The following RNF19A variants were observed in gnomAD, a reference collection of about 807,000 sequenced individuals.
RNF19A encodes the protein ring finger protein 19A, RBR E3 ubiquitin protein ligase, also known as E3 ubiquitin-protein ligase RNF19A.
Under a neutral mutation model 75.7 loss-of-function variants are expected in RNF19A, and 32 were observed. That is an observed-to-expected ratio of 0.42 (90% confidence interval 0.32 to 0.57). The LOEUF (loss-of-function observed/expected upper bound fraction) is 0.57, where lower values mean the gene tolerates loss of function less well. RNF19A is among the 20% of genes least tolerant of loss of function. The pLI is 0.10. For missense variants in RNF19A, 782 were observed against 1,036.3 expected (o/e 0.75, Z 3.37); for synonymous variants, 335 against 345.2 (o/e 0.97, Z 0.33).
chr8:100,264,418 CA>C lies in RNF19A; in HGVS notation c.1307-224del, dbSNP rs772550127. ...ACATAAGGGGAAAAAGAGAGAGATG[CA>C]AACTTTTTTCTTTTGAAGTGCCAGG... On this transcript the variant is annotated intron_variant, in intron 6 of 9. Transcript: ENST00000341084. This position sits in a 1 kb window ranked among gnomAD's most constrained non-coding sequence, Gnocchi z 4.7. The C allele has an allele frequency of 3.5e-6, 2 of 577,818 alleles. No homozygotes were observed. The highest frequency in any genetic ancestry group is 6.0e-6 in the Non-Finnish European group (2 of 332,450). The allele number at this position is 577,818 out of a possible 1,614,324, so 35.8% of individuals were successfully genotyped here.
chr8:100,289,011 G>C (rs901255083), intron 1 of RNF19A, among the ~76,000 whole-genome samples: 10 of 143,836 alleles, frequency 7.0e-5, no homozygotes, highest in African/African-American at 2.7e-4. Flanking sequence ...AGTGAGCCGA[G>C]ATTGCGCCGC....
Position 100,281,097 on chromosome 8 carries a change from T to C in RNF19A, c.675-5936A>G, listed in dbSNP as rs61602271. Among the ~76,000 whole-genome samples, 785 of 152,296 alleles carry C rather than the reference T, an allele frequency of 5.2e-3. 11 individuals carry two copies. Among genetic ancestry groups the C allele is most frequent in the African/African-American group, 0.018 (768 of 41,562 alleles). On this transcript the variant is annotated intron_variant, in intron 2 of 9. Transcript: ENST00000341084. The stretch of plus-strand genomic sequence containing the variant: ...AGCTCCATTTCCTTCCATGGTCCAT[T>C]ATTTAATTCAAGCCTTACTTTCCTT...
intron 1 of RNF19A, among the ~76,000 whole-genome samples, chr8:100,294,587 CCT>C (rs1281868052): frequency 7.9e-6 from 1 of 126,484 alleles, no homozygotes; most frequent in Non-Finnish European, 1.6e-5. Flanking sequence ...ACTTCCATCC[CCT>C]GATACTTCAA....
At position 100,320,026 on chromosome 8, in the gene RNF19A, G is replaced by A. The variant is rs1252859310; in HGVS notation, c.-242-6654C>T. 1.7e-3 allele frequency among the ~76,000 whole-genome samples: 210 copies of A among 123,792 alleles called. No individual in the cohort carries two copies. In the Middle Eastern group the frequency reaches 0.033, roughly 19 times the overall value. The allele number at this position is 123,792 out of a possible 152,430, so 81.2% of individuals were successfully genotyped here. A position where few individuals can be genotyped will look rare whatever the true frequency, so the allele number is the denominator to read the frequency against. The stretch of plus-strand genomic sequence containing the variant: ...AATTTTTGTATTTTTAGTAGAGATG[G>A]AGTTTCACCATGTTGGCCAGGCTGG... On this transcript the variant is annotated intron_variant, in intron 1 of 3. Coordinates refer to the RNF19A transcript ENST00000519527.
intron 1 of RNF19A, among the ~76,000 whole-genome samples, chr8:100,304,601 C>T (rs1387695364): frequency 6.6e-6 from 1 of 152,116 alleles, no homozygotes. Context: ...CCATTTATTC[C>T]ATACAAAAAC....
intron 1 of RNF19A, among the ~76,000 whole-genome samples, chr8:100,292,307 G>A (rs1457723358): frequency 6.6e-6 from 1 of 152,122 alleles, no homozygotes; most frequent in East Asian, 1.9e-4. Context: ...TTTTAGTATT[G>A]TCTCACTACA....
intron 1 of RNF19A, chr8:100,300,490 A>T (rs1821773306): frequency 6.6e-6 from 1 of 151,908 alleles, no homozygotes; most frequent in South Asian, 2.1e-4. Flanking sequence ...CCATCTCTAC[A>T]AAAACTACAC....
At position 100,257,212 on chromosome 8, in the gene RNF19A, G is replaced by A. The variant is rs1048450176; in HGVS notation, c.*1344C>T. The A allele has an allele frequency of 1.3e-5, 2 of 152,560 alleles. No individual in the cohort carries two copies. Among genetic ancestry groups the A allele is most frequent in the African/African-American group, 2.4e-5 (1 of 41,432 alleles). 9.5% of individuals were successfully genotyped at this position (152,560 alleles called of 1,614,324 possible). On this transcript the variant is annotated 3_prime_UTR_variant, in exon 10 of 10. Coordinates refer to ENST00000341084, the MANE Select transcript of RNF19A (RefSeq NM_183419.4). Reference sequence around the variant, plus strand: ...TGTTATAAGCATATTAATGGACCTGGTAGGGAAAAGTGATGGAAGAAGACT... The same window carrying A: ...TGTTATAAGCATATTAATGGACCTGATAGGGAAAAGTGATGGAAGAAGACT...
At position 100,332,478 on chromosome 8, in the gene RNF19A, T is replaced by C. The variant is rs138731183; in HGVS notation, c.-243+3630A>G. 1.3e-5 allele frequency among the ~76,000 whole-genome samples: 2 copies of C among 152,372 alleles called. No homozygotes were observed. Among genetic ancestry groups the C allele is most frequent in the Admixed American group, 6.5e-5 (1 of 15,306 alleles). Reference sequence around the variant, plus strand: ...TTGGCCATGCAGAACTGTGAGTCAATTAAATCTCTTTCCTTTATAAATTAC... The same window carrying C: ...TTGGCCATGCAGAACTGTGAGTCAACTAAATCTCTTTCCTTTATAAATTAC... On this transcript the variant is annotated intron_variant, in intron 1 of 3. Transcript: ENST00000519527. The surrounding 1 kb of genome is among the most constrained non-coding windows in gnomAD (Gnocchi z 4.8).
chr8:100,265,881 C>A (rs1374977444), intron 5 of RNF19A, among the ~76,000 whole-genome samples: 1 of 152,310 alleles, frequency 6.6e-6, no homozygotes, highest in Non-Finnish European at 1.5e-5. Context: ...ACAGTCCATG[C>A]AGGCAGAGAT....
rs879709026 is a variant in RNF19A, at chr8:100,284,435, A to G, written c.674+3066T>C. On this transcript the variant is annotated intron_variant, in intron 2 of 9. Transcript: ENST00000341084. This position sits in a 1 kb window ranked among gnomAD's most constrained non-coding sequence, Gnocchi z 4.3. ...AGTCAAATATAAAATAAAATACACAAAAGTAATCTCTGTGACTTTTTTTCC... is the reference window on the plus strand; with the variant it reads ...AGTCAAATATAAAATAAAATACACAGAAGTAATCTCTGTGACTTTTTTTCC... Among the ~76,000 whole-genome samples the G allele has an allele frequency of 2.0e-5, 3 of 152,202 alleles. No individual in the cohort carries two copies. Among genetic ancestry groups the G allele is most frequent in the Non-Finnish European group, 4.4e-5 (3 of 67,998 alleles).
rs150424476 is a variant in RNF19A at position 100,261,214 on chromosome 8, C to A, written c.1682+328G>T. On this transcript the variant is annotated intron_variant, in intron 8 of 9. Coordinates refer to ENST00000341084, the MANE Select transcript of RNF19A (RefSeq NM_183419.4). This position sits in a 1 kb window ranked among gnomAD's most constrained non-coding sequence, Gnocchi z 4.4. Reference sequence around the variant, plus strand: ...GGCTCAAGTGATCCTCCTACCTCAGCCTCCCGACCAGCTGGGACTACAGGT... The same window carrying A: ...GGCTCAAGTGATCCTCCTACCTCAGACTCCCGACCAGCTGGGACTACAGGT... 6.8e-4 allele frequency among the ~76,000 whole-genome samples: 104 copies of A among 152,198 alleles called. No homozygotes were observed. Among genetic ancestry groups the A allele is most frequent in the African/African-American group, 2.4e-3 (99 of 41,520 alleles).
chr8:100,325,626 T>C lies in RNF19A; in HGVS notation c.-243+10482A>G, dbSNP rs1190129562. Reference sequence around the variant, plus strand: ...TCAAGCCCAGCCTATATTTGCCATATCTTGGCCCCATCCCACAGTAGGGAA... The same window carrying C: ...TCAAGCCCAGCCTATATTTGCCATACCTTGGCCCCATCCCACAGTAGGGAA... On this transcript the variant is annotated intron_variant, in intron 1 of 3. Coordinates refer to the RNF19A transcript ENST00000519527. The surrounding 1 kb of genome is among the most constrained non-coding windows in gnomAD (Gnocchi z 4.3). 1.3e-5 allele frequency among the ~76,000 whole-genome samples: 2 copies of C among 152,176 alleles called. No homozygotes were observed. Among genetic ancestry groups the C allele is most frequent in the Non-Finnish European group, 2.9e-5 (2 of 68,026 alleles).
Position 100,269,954 on chromosome 8 carries a change from T to G in RNF19A, c.943A>C (p.Ser315Arg). ...ACAGCACATGTCATGTGATTGCAGC[T>G]CCCATCATTCATCTTTATTATATAA... ...AAYIIKMNDGSCNHMTCAVCG... is the reference protein window; with the variant it reads ...AAYIIKMNDGRCNHMTCAVCG... Residue 315 changes from serine (S) to arginine (R), a missense_variant, in exon 4 of 10, where the codon AGC becomes CGC. Ser to Arg is a moderately radical substitution (Grantham distance 110, BLOSUM62 -1). Transcript: ENST00000341084. The surrounding 1 kb of genome is among the most constrained non-coding windows in gnomAD (Gnocchi z 5.7). 1 of 1,610,388 alleles carries G rather than the reference T, an allele frequency of 6.2e-7. No individual in the cohort carries two copies. Among genetic ancestry groups the G allele is most frequent in the Non-Finnish European group, 8.5e-7 (1 of 1,178,314 alleles).
chr8:100,298,198 T>TAA lies in RNF19A; in HGVS notation c.-93-9933_-93-9932dup, dbSNP rs35748790. ...TACCTAAATTTACCATGTATTGGGT[T>TAA]AAAAAAAAAAAAAACACTTATTACA... On this transcript the variant is annotated intron_variant, in intron 1 of 9. Transcript: ENST00000341084. Among the ~76,000 whole-genome samples the TAA allele has an allele frequency of 5.4e-3, 773 of 144,402 alleles. 8 individuals are homozygous for TAA. Among genetic ancestry groups the TAA allele is most frequent in the African/African-American group, 0.014 (530 of 39,170 alleles). The allele number at this position is 144,402 out of a possible 152,430, so 94.7% of individuals were successfully genotyped here.
At chr8:100,297,678 A>G (rs1339646093) in intron 1 of RNF19A, among the ~76,000 whole-genome samples, 1 of 152,210 alleles carries the variant, frequency 6.6e-6, no homozygotes, top group Admixed American at 6.5e-5. Context: ...CACAAGATGG[A>G]AAGAATCTGG....
rs117443190 is a variant in RNF19A at position 100,291,472 on chromosome 8, C to T, written c.-93-3205G>A. On this transcript the variant is annotated intron_variant, in intron 1 of 9. Transcript: ENST00000341084. The stretch of plus-strand genomic sequence containing the variant: ...TTACCTTCAGAAGTGCTTCAGGATT[C>T]GTAAAACATGTTAAGTATCCTGACA... Among the ~76,000 whole-genome samples, 25 of 152,264 alleles carry T rather than the reference C, an allele frequency of 1.6e-4. 1 individual carries two copies. In the East Asian group the frequency reaches 4.6e-3, roughly 28 times the overall value.
rs1264699079 is a variant in RNF19A at position 100,330,221 on chromosome 8, T to C, written c.-243+5887A>G. ...AACTTTTTCTCTCTCCAAAGCCTCT[T>C]TCTAATTTTTGTTAAGGAAGGGAAC... On this transcript the variant is annotated intron_variant, in intron 1 of 3. Coordinates refer to the RNF19A transcript ENST00000519527. The surrounding 1 kb of genome is among the most constrained non-coding windows in gnomAD (Gnocchi z 4.1). 1.3e-5 allele frequency among the ~76,000 whole-genome samples: 2 copies of C among 152,234 alleles called. No homozygotes were observed. Among genetic ancestry groups the C allele is most frequent in the African/African-American group, 4.8e-5 (2 of 41,460 alleles).
upstream of RNF19A, among the ~76,000 whole-genome samples, chr8:100,311,604 G>T (rs1298248724): frequency 1.3e-5 from 2 of 151,496 alleles, no homozygotes; most frequent in Non-Finnish European, 2.9e-5. Flanking sequence ...TGTAGTCCCA[G>T]CTACTCGGGA....
Sources: gnomAD v4.1 joint callset for allele counts (sites outside exome capture counted in the v4.1 genomes callset) on GRCh38, gnomAD v4.1.1 for gene constraint, Gnocchi (gnomAD v3.1) non-coding constraint, MANE v1.5 for transcripts, NCBI Gene and HGNC (gene_info 2026-07-23, HGNC 2026-07-21) for gene names.